Variants in DCLK1 observed in about 807,000 individuals in gnomAD.
DCLK1 encodes doublecortin like kinase 1, also known as serine/threonine-protein kinase DCLK1.
Under a neutral mutation model 86.2 loss-of-function variants are expected in DCLK1, and 16 were observed. The observed-to-expected ratio is 0.19, with a 90% CI of 0.13 to 0.28. The LOEUF is 0.28. Ranked by LOEUF, DCLK1 falls within the 10% of genes least tolerant of loss-of-function variation. The pLI is 1.00. For synonymous variants in DCLK1, 369 were observed against 370.5 expected, an observed-to-expected ratio of 1.00 and a Z score of 0.05; for missense variants, 590 against 940.2, an observed-to-expected ratio of 0.63 and a Z score of 4.87.
chr13:35,846,013 G>T (rs1870147982), intron 6 of DCLK1: 1 of 985,416 alleles, frequency 1.0e-6, no homozygotes. Flanking sequence ...ATTTTACAAT[G>T]AAACCACAGC....
intron 5 of DCLK1, among the ~76,000 whole-genome samples, chr13:35,858,347 A>G (rs775838770): frequency 6.6e-6 from 1 of 152,232 alleles, no homozygotes; most frequent in Non-Finnish European, 1.5e-5. Context: ...GAGTTTGGAC[A>G]CTTTGAACGG....
intron 3 of DCLK1, among the ~76,000 whole-genome samples, chr13:35,986,793 C>T (rs1278188258): frequency 1.3e-5 from 2 of 152,100 alleles, no homozygotes; most frequent in African/African-American, 4.8e-5. Context: ...TAAGCAGAGG[C>T]TGCATTTGTA....
At position 35,824,107 on chromosome 13, in the gene DCLK1, A is replaced by G. The variant is rs148417149; in HGVS notation, c.1408-1232T>C. ...CACCCCTGGAGTTCCACCACAGGGC[A>G]TGTGTGGCTGTATATGGAGACCCTG... On this transcript the variant is annotated intron_variant, in intron 10 of 16. Transcript: ENST00000360631. 1.8e-3 allele frequency among the ~76,000 whole-genome samples: 280 copies of G among 152,310 alleles called. 1 individual carries two copies. Among genetic ancestry groups the G allele is most frequent in the African/African-American group, 6.3e-3 (263 of 41,564 alleles).
intron 3 of DCLK1, among the ~76,000 whole-genome samples, chr13:35,992,456 T>A (rs560903586): frequency 2.6e-5 from 4 of 151,316 alleles, no homozygotes; most frequent in African/African-American, 9.7e-5. Context: ...TTTTTTTTTT[T>A]AATGTTGGGG....
chr13:36,011,744 C>T (rs1165584852), intron 3 of DCLK1, among the ~76,000 whole-genome samples: 12 of 151,326 alleles, frequency 7.9e-5, no homozygotes, highest in East Asian at 5.8e-4. Flanking sequence ...CTATTAGGTC[C>T]GCTTGGTGCA....
intron 3 of DCLK1, among the ~76,000 whole-genome samples, chr13:36,099,599 T>C (rs1429501656): frequency 6.6e-6 from 1 of 152,176 alleles, no homozygotes; most frequent in African/African-American, 2.4e-5. Flanking sequence ...TGGCACAGAA[T>C]CCATGCTGAA....
intron 3 of DCLK1, among the ~76,000 whole-genome samples, chr13:36,081,960 T>C (rs1264585860): frequency 6.6e-6 from 1 of 152,212 alleles, no homozygotes; most frequent in Non-Finnish European, 1.5e-5. Flanking sequence ...AGGCATTGGA[T>C]ATGCACTATC....
intron 3 of DCLK1, among the ~76,000 whole-genome samples, chr13:36,032,771 G>A (rs372820929): frequency 1.3e-5 from 2 of 152,302 alleles, no homozygotes; most frequent in African/African-American, 2.4e-5. Flanking sequence ...TCTCTGCAAA[G>A]GTTCTTTTGG....
In DCLK1 at chr13:35,774,365, CT is replaced by C. The variant is rs1381058852; in HGVS notation, c.*169del. 2 of 845,670 alleles carry C rather than the reference CT, an allele frequency of 2.4e-6. No individual in the cohort carries two copies. The highest frequency in any genetic ancestry group is 3.5e-6 in the Non-Finnish European group (2 of 563,996). 52.4% of individuals were successfully genotyped at this position (845,670 alleles called of 1,614,324 possible). A position where few individuals can be genotyped will look rare whatever the true frequency, so the allele number is the denominator to read the frequency against. ...CATCTTCACAATCACCACGTGTCATCTTATTCAGTAAAGGGAAACCGCTACA... is the reference window on the plus strand; with the variant it reads ...CATCTTCACAATCACCACGTGTCATCTATTCAGTAAAGGGAAACCGCTACA... On this transcript the variant is annotated 3_prime_UTR_variant, in exon 17 of 17. Coordinates refer to ENST00000360631, the MANE Select transcript of DCLK1 (RefSeq NM_001330071.2).
At chr13:35,778,680 T>C (rs1261737359) in intron 16 of DCLK1, among the ~76,000 whole-genome samples, 1 of 152,170 alleles carries the variant, frequency 6.6e-6, no homozygotes, top group East Asian at 1.9e-4. Context: ...CTGGAGCTGC[T>C]TCTCCCATCC....
At chr13:36,085,796 C>A (rs1404288023) in intron 3 of DCLK1, among the ~76,000 whole-genome samples, 1 of 149,592 alleles carries the variant, frequency 6.7e-6, no homozygotes, top group South Asian at 2.3e-4. Flanking sequence ...AAGAGAGACA[C>A]ATGGGCAGAC....
At chr13:36,032,108 T>C (rs1407340236) in intron 3 of DCLK1, among the ~76,000 whole-genome samples, 1 of 152,138 alleles carries the variant, frequency 6.6e-6, no homozygotes, top group East Asian at 1.9e-4. Context: ...AATCAGTTTT[T>C]CTTTTTCTTT....
At position 35,922,571 on chromosome 13, in the gene DCLK1, T is replaced by G. The variant is rs7335108; in HGVS notation, c.823+24787A>C. 2.8e-3 allele frequency among the ~76,000 whole-genome samples: 420 copies of G among 152,280 alleles called. 3 individuals carry two copies. Among genetic ancestry groups the G allele is most frequent in the African/African-American group, 9.5e-3 (395 of 41,548 alleles). ...AGAATATTGTGAGGATTGTAGGCAA[T>G]AGCACACAAAAAAAGCACTGCGCAA... On this transcript the variant is annotated intron_variant, in intron 4 of 16. Coordinates refer to ENST00000360631, the MANE Select transcript of DCLK1 (RefSeq NM_001330071.2).
intron 4 of DCLK1, among the ~76,000 whole-genome samples, chr13:35,880,345 G>T (rs751440495): frequency 6.6e-6 from 1 of 152,174 alleles, no homozygotes; most frequent in Non-Finnish European, 1.5e-5. Flanking sequence ...GTGCGAACCC[G>T]AGTGTTGCAG....
intron 8 of DCLK1, among the ~76,000 whole-genome samples, chr13:35,831,850 T>G (rs569833623): frequency 4.2e-4 from 64 of 152,304 alleles, no homozygotes; most frequent in African/African-American, 1.3e-3. Flanking sequence ...ATTTTCAAAT[T>G]TTACAAACTT....
At chr13:35,779,116 C>T (rs968800331) in intron 16 of DCLK1, among the ~76,000 whole-genome samples, 1 of 152,138 alleles carries the variant, frequency 6.6e-6, no homozygotes, top group Admixed American at 6.6e-5. Flanking sequence ...CCCGGGTTCA[C>T]AGGCACCCAC....
Position 35,964,703 on chromosome 13 carries a change from C to T in DCLK1, c.724-17246G>A, listed in dbSNP as rs545481389. On this transcript the variant is annotated intron_variant, in intron 3 of 16. Transcript: ENST00000360631. Reference sequence around the variant, plus strand: ...TGGAAGCTATGACTTCCACGGGTTCCGTAAATTGAAATCTATGGGCCAAAT... The same window carrying T: ...TGGAAGCTATGACTTCCACGGGTTCTGTAAATTGAAATCTATGGGCCAAAT... 2.6e-5 allele frequency among the ~76,000 whole-genome samples: 4 copies of T among 151,338 alleles called. No homozygotes were observed. In the East Asian group the frequency reaches 7.8e-4, roughly 29 times the overall value.
chr13:36,085,388 G>A (rs1884555686), intron 3 of DCLK1, among the ~76,000 whole-genome samples: 1 of 151,936 alleles, frequency 6.6e-6, no homozygotes, highest in African/African-American at 2.4e-5. Flanking sequence ...TAATCCAAAG[G>A]TTGGGTTTTT....
intron 4 of DCLK1, among the ~76,000 whole-genome samples, chr13:35,879,377 C>A (rs1872757264): frequency 6.6e-6 from 1 of 152,190 alleles, no homozygotes; most frequent in Non-Finnish European, 1.5e-5. Flanking sequence ...GTAACATCTG[C>A]AGAAGGCTTT....
Sources: allele counts gnomAD v4.1 joint callset (sites outside exome capture counted in the v4.1 genomes callset), GRCh38; gene constraint gnomAD v4.1.1; transcripts MANE v1.5; gene names NCBI Gene and HGNC (gene_info 2026-07-23, HGNC 2026-07-21).